Variants in NRXN1 observed in about 807,000 individuals in gnomAD.
The protein encoded by NRXN1 is neurexin 1.
A neutral mutation model predicts 150.9 loss-of-function variants in NRXN1; 39 were observed. The observed-to-expected ratio is 0.26, with a 90% CI of 0.20 to 0.34. The LOEUF is 0.34. Ranked by LOEUF, NRXN1 falls within the 10% of genes least tolerant of loss-of-function variation. The pLI, the probability that NRXN1 is intolerant of heterozygous loss-of-function variation, is 1.00. For missense variants in NRXN1, 1,815 were observed against 1,949.9 expected (o/e 0.93, Z 1.30); for synonymous variants, 924 against 757.0 (o/e 1.22, Z -3.62).
At position 50,236,843 on chromosome 2, in the gene NRXN1, T is replaced by G. The variant is rs758778185; in HGVS notation, c.3492A>C (p.Val1164=). Residue 1164 remains valine, a synonymous_variant, in exon 18 of 23, where the codon GTA becomes GTC. Coordinates refer to ENST00000401669, the MANE Select transcript of NRXN1 (RefSeq NM_001330078.2). ...IGFSTVQKEA[V]LVRVDSSSGL... ...CTGAAGAACTGTCCACTCGCACCAA[T>G]ACGGCTTCTTTCTGAACAGTGCTAA... 6.2e-7 allele frequency: 1 copy of G among 1,613,326 alleles called. No homozygotes were observed. Among genetic ancestry groups the G allele is most frequent in the Non-Finnish European group, 8.5e-7 (1 of 1,179,620 alleles).
chr2:50,792,182 G>C (rs934035542), intron 5 of NRXN1, among the ~76,000 whole-genome samples: 1 of 151,988 alleles, frequency 6.6e-6, no homozygotes, highest in Non-Finnish European at 1.5e-5. Flanking sequence ...TGTAAAGCTA[G>C]AATTATGTAC....
chr2:50,750,402 T>C (rs1002053994), intron 5 of NRXN1, among the ~76,000 whole-genome samples: 2 of 151,752 alleles, frequency 1.3e-5, no homozygotes, highest in Non-Finnish European at 2.9e-5. Context: ...TGTAGCTCAC[T>C]AGTTGTTAAA....
chr2:50,010,404 T>A (rs1442719762), intron 21 of NRXN1, among the ~76,000 whole-genome samples: 1 of 152,148 alleles, frequency 6.6e-6, no homozygotes, highest in Non-Finnish European at 1.5e-5. Context: ...TGTCTTATCT[T>A]TTTAAAATAT....
intron 18 of NRXN1, among the ~76,000 whole-genome samples, chr2:50,163,598 A>G: frequency 6.6e-6 from 1 of 152,144 alleles, no homozygotes; most frequent in East Asian, 1.9e-4. Flanking sequence ...TTTTACAGTT[A>G]AGGATTGACA....
At chr2:50,427,743 C>A (rs2084616968) in intron 17 of NRXN1, among the ~76,000 whole-genome samples, 1 of 152,164 alleles carries the variant, frequency 6.6e-6, no homozygotes, top group Non-Finnish European at 1.5e-5. Context: ...ATTGAACTTT[C>A]CTTTGGTTCT....
intron 5 of NRXN1, among the ~76,000 whole-genome samples, chr2:50,775,058 C>T (rs1019510008): frequency 2.4e-4 from 37 of 152,136 alleles, no homozygotes; most frequent in Non-Finnish European, 4.6e-4. Context: ...CTACTCCATC[C>T]TTTGCTTTAA....
At chr2:50,659,008 G>GTGAC (rs1686903430) in intron 5 of NRXN1, among the ~76,000 whole-genome samples, 3 of 151,990 alleles carry the variant, frequency 2.0e-5, no homozygotes. Flanking sequence ...ATGAGCAAGG[G>GTGAC]TGACGGCAGG....
intron 5 of NRXN1, among the ~76,000 whole-genome samples, chr2:50,815,063 ACT>A (rs901152011): frequency 1.3e-5 from 2 of 151,646 alleles, no homozygotes; most frequent in African/African-American, 2.4e-5. Flanking sequence ...GAACTGACAT[ACT>A]CTTTTTTTTT....
At chr2:50,691,383 C>A (rs1459955566) in intron 5 of NRXN1, among the ~76,000 whole-genome samples, 1 of 152,132 alleles carries the variant, frequency 6.6e-6, no homozygotes, top group Non-Finnish European at 1.5e-5. Context: ...CAGGTTCAGA[C>A]TGACCTGGTA....
At chr2:50,593,029 A>T (rs1171589134) in intron 8 of NRXN1, among the ~76,000 whole-genome samples, 2 of 151,948 alleles carry the variant, frequency 1.3e-5, no homozygotes, top group African/African-American at 4.8e-5. Flanking sequence ...GGCCAAATGA[A>T]CCTCTCTTTC....
rs756285904 is a variant in NRXN1 at position 50,630,560 on chromosome 2, G to C, written c.833-6945C>G. Among the ~76,000 whole-genome samples, 6 of 151,776 alleles carry C rather than the reference G, an allele frequency of 4.0e-5. No individual in the cohort carries two copies. In the East Asian group the frequency reaches 1.2e-3, roughly 29 times the overall value. On this transcript the variant is annotated intron_variant, in intron 5 of 22. Transcript: ENST00000401669. ...ATCTTAAAGACAAGGATGCCTGCGG[G>C]CAGAACGAAGTCCCACTGTCCCCAG...
intron 5 of NRXN1, among the ~76,000 whole-genome samples, chr2:50,648,434 T>C (rs1005615144): frequency 1.3e-5 from 2 of 152,008 alleles, no homozygotes; most frequent in African/African-American, 4.8e-5. Flanking sequence ...CAAGCATCTT[T>C]CTCTACCAAA....
chr2:50,601,550 G>C (rs983411099), intron 8 of NRXN1, among the ~76,000 whole-genome samples: 1 of 152,178 alleles, frequency 6.6e-6, no homozygotes, highest in African/African-American at 2.4e-5. Context: ...GTTGTTCAAA[G>C]ATATCCAAAA....
chr2:50,995,215 C>G (rs1009044535), intron 2 of NRXN1, among the ~76,000 whole-genome samples: 3 of 151,856 alleles, frequency 2.0e-5, no homozygotes, highest in Non-Finnish European at 4.4e-5. Flanking sequence ...TAAGTTACGC[C>G]TTATAGTTTT....
intron 5 of NRXN1, among the ~76,000 whole-genome samples, chr2:50,873,060 C>G (rs187144261): frequency 1.3e-5 from 2 of 151,812 alleles, no homozygotes; most frequent in Non-Finnish European, 2.9e-5. Flanking sequence ...AGATCACAGA[C>G]ACTGGAACCA....
At chr2:50,969,808 G>C (rs575819000) in intron 2 of NRXN1, among the ~76,000 whole-genome samples, 1 of 152,240 alleles carries the variant, frequency 6.6e-6, no homozygotes, top group South Asian at 2.1e-4. Flanking sequence ...AAATTGCAAA[G>C]TTGATTAATT....
intron 5 of NRXN1, among the ~76,000 whole-genome samples, chr2:50,652,612 A>G (rs1685805908): frequency 6.6e-6 from 1 of 152,010 alleles, no homozygotes; most frequent in South Asian, 2.1e-4. Context: ...CATCTGTGCT[A>G]TTTCTACTTC....
At chr2:50,901,862 A>G (rs1480499211) in intron 5 of NRXN1, among the ~76,000 whole-genome samples, 2 of 152,208 alleles carry the variant, frequency 1.3e-5, no homozygotes, top group African/African-American at 4.8e-5. Context: ...CAAGCTTTCA[A>G]AATGTTTAAA....
intron 21 of NRXN1, among the ~76,000 whole-genome samples, chr2:49,992,060 T>C (rs564580620): frequency 3.9e-5 from 6 of 152,146 alleles, no homozygotes; most frequent in South Asian, 4.1e-4. Flanking sequence ...AGACAGACAA[T>C]TGACAAACAT....
Sources: allele counts gnomAD v4.1 joint callset (sites outside exome capture counted in the v4.1 genomes callset), GRCh38; gene constraint gnomAD v4.1.1; transcripts MANE v1.5; gene names NCBI Gene and HGNC (gene_info 2026-07-23, HGNC 2026-07-21).